The following DCAKD variants were observed in gnomAD, a reference collection of about 807,000 sequenced individuals.
The protein encoded by DCAKD is dephospho-CoA kinase domain containing.
DCAKD carries 15 observed loss-of-function variants against 18.7 expected under a neutral mutation model. That is an observed-to-expected ratio of 0.80 (90% CI 0.54 to 1.24). The LOEUF is 1.24. Among genes scored for constraint, DCAKD ranks in the 50% most tolerant of loss-of-function variants. DCAKD has a pLI of 0.00. For synonymous variants in DCAKD, 130 were observed against 133.0 expected (o/e 0.98, Z 0.16); for missense variants, 301 against 322.0 (o/e 0.93, Z 0.50).
chr17:45,026,314 G>A (rs2053056001), intron 4 of DCAKD, among the ~76,000 whole-genome samples: 1 of 142,474 alleles, frequency 7.0e-6, no homozygotes, highest in Non-Finnish European at 1.5e-5. Flanking sequence ...TGCAACCTCC[G>A]CCTCCCAGGT....
chr17:45,034,627 G>A, intron 2 of DCAKD, 147 bp downstream of exon 2: 1 of 961,074 alleles, frequency 1.0e-6, no homozygotes, highest in Non-Finnish European at 1.5e-6. Flanking sequence ...AGCAGAGAAG[G>A]CAAGCACGGG....
intron 1 of DCAKD, among the ~76,000 whole-genome samples, chr17:45,060,416 T>C (rs1025316229): frequency 6.6e-6 from 1 of 151,878 alleles, no homozygotes; most frequent in African/African-American, 2.4e-5. Context: ...TCCTAGGTAC[T>C]TGGGAGGCTG....
At chr17:45,050,206 A>C (rs2053661936) in intron 1 of DCAKD, among the ~76,000 whole-genome samples, 1 of 150,480 alleles carries the variant, frequency 6.6e-6, no homozygotes, top group Non-Finnish European at 1.5e-5. Flanking sequence ...ATGTCCGGCT[A>C]ATTTTTTTGC....
chr17:45,051,709 C>A (rs1245905224), upstream of DCAKD: 1 of 95,868 alleles, frequency 1.0e-5, no homozygotes, highest in African/African-American at 3.9e-5. Context: ...ACGGGCGGGG[C>A]CGGGAGAGGT....
intron 4 of DCAKD, among the ~76,000 whole-genome samples, chr17:45,029,556 C>T (rs926119769): frequency 1.3e-5 from 2 of 152,200 alleles, no homozygotes; most frequent in Admixed American, 6.5e-5. Flanking sequence ...TGGTTGGCTC[C>T]GTGTCCTGGG....
At chr17:45,030,213 T>A (rs1567831398) in intron 3 of DCAKD, 34 bp from the exon 4 acceptor site, 1 of 1,592,922 alleles carries the variant, frequency 6.3e-7, no homozygotes, top group Non-Finnish European at 8.6e-7. Context: ...CAAGTTCAAT[T>A]CTGCAAGCGC....
rs1355028866 is a variant in DCAKD at position 45,023,737 on chromosome 17, G to C, written c.*696C>G. On this transcript the variant is annotated 3_prime_UTR_variant, in exon 5 of 5. Coordinates refer to ENST00000651974, the MANE Select transcript of DCAKD (RefSeq NM_001288655.2). ...TGTACACGGAATACCAAGAGGTCCA[G>C]GCGAGAAGCAGGGGTGGCAGGCAAT... The C allele has an allele frequency of 6.6e-6, 1 of 152,452 alleles. No individual in the cohort carries two copies. Among genetic ancestry groups the C allele is most frequent in the African/African-American group, 2.4e-5 (1 of 41,422 alleles). 9.4% of individuals were successfully genotyped at this position (152,452 alleles called of 1,614,324 possible). A position where few individuals can be genotyped will look rare whatever the true frequency, so the allele number is the denominator to read the frequency against.
chr17:45,034,074 AACTC>A, intron 3 of DCAKD, 109 bp downstream of exon 3: 1 of 1,600,186 alleles, frequency 6.2e-7, no homozygotes, highest in Non-Finnish European at 8.5e-7. Flanking sequence ...AAGCAGTATG[AACTC>A]ATCAGCTGGG....
At chr17:45,030,920 G>A (rs150634331) in intron 3 of DCAKD, 1 of 963,088 alleles carries the variant, frequency 1.0e-6, no homozygotes, top group Non-Finnish European at 1.2e-6. Flanking sequence ...GCCAAGGCCA[G>A]TCAAGGGCAG....
intron 4 of DCAKD, among the ~76,000 whole-genome samples, chr17:45,025,595 A>G (rs1461618465): frequency 6.6e-6 from 1 of 152,090 alleles, no homozygotes; most frequent in Non-Finnish European, 1.5e-5. Context: ...CTCTAGCTCT[A>G]AGAGCTACTT....
At chr17:45,037,293 C>G (rs1359015125) in intron 1 of DCAKD, among the ~76,000 whole-genome samples, 2 of 151,930 alleles carry the variant, frequency 1.3e-5, no homozygotes, top group African/African-American at 4.8e-5. Flanking sequence ...CAGCAAGGCT[C>G]TCTCTCTATT....
At chr17:45,026,210 C>T (rs1360999742) in intron 4 of DCAKD, among the ~76,000 whole-genome samples, 3 of 149,438 alleles carry the variant, frequency 2.0e-5, no homozygotes, top group Admixed American at 6.7e-5. Flanking sequence ...TAAGCCACCG[C>T]GCCTGGACTT....
chr17:45,034,826 C>A lies in DCAKD; in HGVS notation c.60G>T (p.Val20=). 3.7e-6 allele frequency: 6 copies of A among 1,614,254 alleles called. No homozygotes were observed. Among genetic ancestry groups the A allele is most frequent in the Non-Finnish European group, 5.1e-6 (6 of 1,180,048 alleles). Residue 20 remains valine (V), a synonymous_variant, in exon 2 of 5, where the codon GTG becomes GTT. Transcript: ENST00000651974. ...IASGKSSVIQ[V]FQQLGCAVID... ...TCACCGCACAGCCCAGCTGCTGGAA[C>A]ACCTGGATCACTGAGCTCTTGCCTG...
intron 1 of DCAKD, among the ~76,000 whole-genome samples, chr17:45,035,480 T>TAAA (rs35837364): frequency 1.2e-4 from 10 of 86,938 alleles, no homozygotes; most frequent in South Asian, 8.6e-4. Context: ...AGATTCCTTC[T>TAAA]AAAAAAAAAA....
upstream of DCAKD, chr17:45,054,249 TATTTA>T: frequency 2.3e-6 from 1 of 431,348 alleles, no homozygotes; most frequent in Admixed American, 2.4e-5. Context: ...AAGACAGTTT[TATTTA>T]TTTTTTTTTT....
chr17:45,026,932 C>T (rs1283963069), intron 4 of DCAKD: 4 of 464,164 alleles, frequency 8.6e-6, no homozygotes, highest in East Asian at 1.5e-4. Context: ...GGGGCAGCAC[C>T]TCCGACAGCC....
In DCAKD at chr17:45,039,827, C is replaced by A. The variant is rs73311397; in HGVS notation, c.-114-4828G>T. Among the ~76,000 whole-genome samples the A allele has an allele frequency of 7.4e-3, 1,132 of 152,326 alleles. 15 individuals are homozygous for A. The highest frequency in any genetic ancestry group is 0.026 in the African/African-American group (1,087 of 41,566). ...CTCCTGGGAGTGGTGAATAAATGCT[C>A]CCCTGGGGCCAGGCGCAGTGGCTGT... is the stretch of plus-strand genomic sequence containing the variant. On this transcript the variant is annotated intron_variant, in intron 1 of 4. Transcript: ENST00000651974.
At position 45,048,380 on chromosome 17, in the gene DCAKD, T is replaced by C. The variant is rs528329495; in HGVS notation, c.-115+2981A>G. 3.3e-5 allele frequency among the ~76,000 whole-genome samples: 5 copies of C among 152,216 alleles called. No individual in the cohort carries two copies. In the East Asian group the frequency reaches 9.6e-4, roughly 29 times the overall value. On this transcript the variant is annotated intron_variant, in intron 1 of 4. Coordinates refer to ENST00000651974, the MANE Select transcript of DCAKD (RefSeq NM_001288655.2). ...AAATTAGGCCAGGCATGTTGGCTCA[T>C]GCCTGTAATCCCAGCACTTTGGGAG...
intron 1 of DCAKD, among the ~76,000 whole-genome samples, chr17:45,046,811 C>A (rs1277784496): frequency 6.6e-6 from 1 of 151,950 alleles, no homozygotes; most frequent in African/African-American, 2.4e-5. Flanking sequence ...CACACTCACC[C>A]ATCTCCCATG....
Sources: gnomAD v4.1 joint callset for allele counts (sites outside exome capture counted in the v4.1 genomes callset) on GRCh38, gnomAD v4.1.1 for gene constraint, MANE v1.5 for transcripts, NCBI Gene and HGNC (gene_info 2026-07-23, HGNC 2026-07-21) for gene names.